Variants in SLC1A7 observed in about 807,000 individuals in gnomAD.
SLC1A7 encodes solute carrier family 1 member 7, also known as excitatory amino acid transporter 5.
In SLC1A7, 40 loss-of-function variants were observed where a neutral mutation model predicts 47.7. The observed-to-expected ratio is 0.84, with a 90% confidence interval of 0.65 to 1.09. The LOEUF (loss-of-function observed/expected upper bound fraction) is 1.09, where lower values mean the gene tolerates loss of function less well. Among genes scored for constraint, SLC1A7 ranks in the 50% least tolerant of loss-of-function variants. SLC1A7 has a pLI of 0.00. For missense variants in SLC1A7, 746 were observed against 769.5 expected (o/e 0.97, Z 0.36); for synonymous variants, 323 against 325.6 (o/e 0.99, Z 0.09).
intron 2 of SLC1A7, among the ~76,000 whole-genome samples, chr1:53,125,676 G>A (rs1046481703): frequency 2.6e-5 from 4 of 152,188 alleles, no homozygotes; most frequent in Non-Finnish European, 5.9e-5. Context: ...GCACTTCGGG[G>A]GGACCTAGGG....
chr1:53,114,625 A>G, intron 3 of SLC1A7, 133 bp downstream of exon 3: 1 of 743,668 alleles, frequency 1.3e-6, no homozygotes, highest in Non-Finnish European at 2.2e-6. Flanking sequence ...GGCAGCCCAG[A>G]GCTCAACCCA....
In SLC1A7 at chr1:53,090,799, T is replaced by C. The variant is rs1644412898; in HGVS notation, c.1039A>G (p.Thr347Ala). Residue 347 changes from threonine (T) to alanine (A), a missense_variant, in exon 8 of 11, where the codon ACA (threonine) becomes GCA (alanine). By Grantham distance (58) the Thr-to-Ala change is moderately conservative (BLOSUM62 0). Transcript: ENST00000371494. ...AGGCACTTGAAGGTGATGGGCAGTG[T>C]GGCTGAGCTACGGTTAGAGGGGCCG... ...IALATSSSSA[T>A]LPITFKCLLE... 1 of 1,611,242 alleles carries C rather than the reference T, an allele frequency of 6.2e-7. No individual in the cohort carries two copies. The highest frequency in any genetic ancestry group is 2.2e-5 in the East Asian group (1 of 44,790).
intron 2 of SLC1A7, among the ~76,000 whole-genome samples, chr1:53,126,094 TGG>T (rs1461524202): frequency 6.6e-6 from 1 of 152,216 alleles, no homozygotes; most frequent in African/African-American, 2.4e-5. Context: ...CTTCCAGCCT[TGG>T]AGTGGGTTGC....
chr1:53,121,213 A>C (rs1644821927), intron 2 of SLC1A7, among the ~76,000 whole-genome samples: 1 of 152,216 alleles, frequency 6.6e-6, no homozygotes, highest in Non-Finnish European at 1.5e-5. Context: ...GCCTGGGTGC[A>C]GGGTTGCTGA....
chr1:53,096,171 C>T (rs554367718), intron 5 of SLC1A7, among the ~76,000 whole-genome samples: 9 of 151,018 alleles, frequency 6.0e-5, no homozygotes, highest in South Asian at 2.1e-4. Flanking sequence ...CACACCACCT[C>T]GGTACACCCA....
intron 2 of SLC1A7, among the ~76,000 whole-genome samples, chr1:53,128,287 C>A (rs950995896): frequency 3.3e-5 from 5 of 152,150 alleles, no homozygotes; most frequent in African/African-American, 7.2e-5. Flanking sequence ...CCAGCCTTGG[C>A]AACATAGTGA....
chr1:53,109,573 C>T (rs997217300), intron 3 of SLC1A7, among the ~76,000 whole-genome samples: 2 of 152,160 alleles, frequency 1.3e-5, no homozygotes, highest in Admixed American at 1.3e-4. Context: ...TGCCTTATGT[C>T]CCCACGCAGT....
chr1:53,117,184 A>G (rs1044148650), intron 2 of SLC1A7, among the ~76,000 whole-genome samples: 27 of 152,152 alleles, frequency 1.8e-4, no homozygotes, highest in Non-Finnish European at 3.2e-4. Context: ...GAGACAGTGG[A>G]AGGCAGAAGG....
intron 5 of SLC1A7, among the ~76,000 whole-genome samples, chr1:53,097,701 C>T (rs1361308429): frequency 6.6e-6 from 1 of 151,076 alleles, no homozygotes; most frequent in Non-Finnish European, 1.5e-5. Context: ...CTCATACAAC[C>T]CACCACAGTA....
At position 53,088,103 on chromosome 1, in the gene SLC1A7, T is replaced by C; in HGVS notation, c.1589A>G (p.His530Arg). The C allele has an allele frequency of 1.2e-6, 2 of 1,611,774 alleles. 1 individual carries two copies. Among genetic ancestry groups the C allele is most frequent in the South Asian group, 2.2e-5 (2 of 90,626 alleles). The change falls in exon 11 of 11, where the codon CAC becomes CGC. Residue 530 changes from histidine to arginine, a missense_variant. Transcript: ENST00000371494. ...ATCCTGCTCCACTTGAACGGGGACG[T>C]GGTGGGGGCAGGTGGGGCCCAGGGT... ...ELTLGPTCPH[H>R]VPVQVEQDEE...
chr1:53,100,305 C>T (rs1334869860), intron 5 of SLC1A7, among the ~76,000 whole-genome samples: 2 of 151,294 alleles, frequency 1.3e-5, no homozygotes, highest in Non-Finnish European at 3.0e-5. Flanking sequence ...CTCACACACA[C>T]CGCCTCAGTA....
chr1:53,140,018 A>G (rs764580307), intron 1 of SLC1A7, among the ~76,000 whole-genome samples: 7 of 152,222 alleles, frequency 4.6e-5, no homozygotes, highest in Non-Finnish European at 8.8e-5. Context: ...ACCATTTTCC[A>G]TATTGTTTAT....
Position 53,093,127 on chromosome 1 carries a change from G to T in SLC1A7, c.797+334C>A, listed in dbSNP as rs140058449. ...CCTGGACTCTGAACTGTGGGCCGAGGACTCTGAACTGTGGGCTAGTCCTTA... is the reference window on the plus strand; with the variant it reads ...CCTGGACTCTGAACTGTGGGCCGAGTACTCTGAACTGTGGGCTAGTCCTTA... On this transcript the variant is annotated intron_variant, in intron 6 of 10. Transcript: ENST00000371494. Among the ~76,000 whole-genome samples, 419 of 152,310 alleles carry T rather than the reference G, an allele frequency of 2.8e-3. 1 individual carries two copies. Among genetic ancestry groups the T allele is most frequent in the African/African-American group, 9.2e-3 (382 of 41,562 alleles).
chr1:53,093,262 G>T (rs529447076), intron 6 of SLC1A7, among the ~76,000 whole-genome samples, 199 bp downstream of exon 6: 1 of 152,328 alleles, frequency 6.6e-6, no homozygotes, highest in South Asian at 2.1e-4. Flanking sequence ...CAGGCTGGAA[G>T]GGGCAGGCCC....
intron 2 of SLC1A7, among the ~76,000 whole-genome samples, chr1:53,129,595 CA>C (rs1644920645): frequency 7.4e-6 from 1 of 135,830 alleles, no homozygotes; most frequent in African/African-American, 2.7e-5. Flanking sequence ...TGGAAGATGC[CA>C]GATTATGGGA....
At chr1:53,120,540 C>CT (rs1644807832) in intron 2 of SLC1A7, among the ~76,000 whole-genome samples, 1 of 152,190 alleles carries the variant, frequency 6.6e-6, no homozygotes, top group Non-Finnish European at 1.5e-5. Flanking sequence ...TACCTTTGCA[C>CT]TGGATGTTCC....
chr1:53,089,023 G>A lies in SLC1A7; in HGVS notation c.1362-44C>T, dbSNP rs767838809. ...GGGTGAGTGGTGGGCACTTGAAGGG[G>A]AGCTGGAAGAGGGCAGTGCTCAACC... On this transcript the variant is annotated intron_variant, in intron 9 of 10. Transcript: ENST00000371494. 6.1e-6 allele frequency: 9 copies of A among 1,468,520 alleles called. No homozygotes were observed. In the South Asian group the frequency reaches 1.0e-4, roughly 17 times the overall value. The allele number at this position is 1,468,520 out of a possible 1,614,324, so 91.0% of individuals were successfully genotyped here.
chr1:53,127,416 C>T (rs944351841), intron 2 of SLC1A7, among the ~76,000 whole-genome samples: 14 of 152,158 alleles, frequency 9.2e-5, no homozygotes, highest in African/African-American at 3.1e-4. Flanking sequence ...AAGCCGGCTC[C>T]AGGGAGAGAG....
At chr1:53,139,878 C>T (rs1377846484) in intron 1 of SLC1A7, among the ~76,000 whole-genome samples, 1 of 152,092 alleles carries the variant, frequency 6.6e-6, no homozygotes, top group Non-Finnish European at 1.5e-5. Context: ...ATGGATACAC[C>T]TGTGATTCAC....
Sources: allele counts gnomAD v4.1 joint callset (sites outside exome capture counted in the v4.1 genomes callset), GRCh38; gene constraint gnomAD v4.1.1; transcripts MANE v1.5; gene names NCBI Gene and HGNC (gene_info 2026-07-23, HGNC 2026-07-21).